Variants in ZNF423 observed in about 807,000 individuals in gnomAD.
The protein encoded by ZNF423 is Ebf-associated zinc finger protein.
In ZNF423, 12 loss-of-function variants were observed where a neutral mutation model predicts 95.8. The ratio of observed to expected loss-of-function variants is 0.13; its 90% CI spans 0.08 to 0.20. The LOEUF is 0.20. Among genes scored for constraint, ZNF423 ranks in the 10% least tolerant of loss-of-function variants. The pLI, the probability that ZNF423 is intolerant of heterozygous loss-of-function variation, is 1.00. For missense variants in ZNF423, 1,316 were observed against 1,737.1 expected, an observed-to-expected ratio of 0.76 and a Z score of 4.31; for synonymous variants, 749 against 711.9, an observed-to-expected ratio of 1.05 and a Z score of -0.83.
chr16:49,564,152 T>A (rs955422191), intron 5 of ZNF423, among the ~76,000 whole-genome samples: 1 of 152,198 alleles, frequency 6.6e-6, no homozygotes, highest in African/African-American at 2.4e-5. Flanking sequence ...AATGGATAGA[T>A]TTGCTATAGA....
At position 49,804,005 on chromosome 16, in the gene ZNF423, G is replaced by T. The variant is rs574345957; in HGVS notation, c.41-14459C>A. Among the ~76,000 whole-genome samples the T allele has an allele frequency of 3.5e-5, 5 of 142,706 alleles. No homozygotes were observed. In the East Asian group the frequency reaches 1.0e-3, roughly 30 times the overall value. The allele number at this position is 142,706 out of a possible 152,430, so 93.6% of individuals were successfully genotyped here. ...GGCTGGAGTGCAGTGGTGAGATCTC[G>T]ACTCACTGCATCCTCCACCTCCCGG... On this transcript the variant is annotated intron_variant, in intron 1 of 7. Coordinates refer to ENST00000563137, the MANE Select transcript of ZNF423 (RefSeq NM_001379286.1).
intron 3 of ZNF423, among the ~76,000 whole-genome samples, chr16:49,721,625 C>T (rs1214273189): frequency 6.6e-6 from 1 of 152,248 alleles, no homozygotes; most frequent in Non-Finnish European, 1.5e-5. Flanking sequence ...GGGCTTTGTA[C>T]AGCAGCAACA....
At chr16:49,657,591 C>T (rs890342927) in intron 3 of ZNF423, among the ~76,000 whole-genome samples, 2 of 152,232 alleles carry the variant, frequency 1.3e-5, no homozygotes, top group African/African-American at 4.8e-5. Flanking sequence ...GGGCCTGGAG[C>T]CAGTGGGCTC....
chr16:49,644,264 A>G (rs1053199483), intron 3 of ZNF423, among the ~76,000 whole-genome samples: 3 of 151,860 alleles, frequency 2.0e-5, no homozygotes, highest in Non-Finnish European at 4.4e-5. Flanking sequence ...CACTAGGGGG[A>G]CTCTCTGCAT....
chr16:49,781,007 C>T (rs1021521041), intron 2 of ZNF423, among the ~76,000 whole-genome samples: 3 of 152,222 alleles, frequency 2.0e-5, no homozygotes, highest in African/African-American at 4.8e-5. Flanking sequence ...GCATGCACCA[C>T]GGGCCACAGC....
At chr16:49,691,078 G>A (rs1044483605) in intron 3 of ZNF423, among the ~76,000 whole-genome samples, 9 of 152,246 alleles carry the variant, frequency 5.9e-5, no homozygotes, top group Non-Finnish European at 8.8e-5. Flanking sequence ...GGGGCTGAGC[G>A]GCCCTTAGTG....
At chr16:49,564,386 T>C (rs1356432423) in intron 5 of ZNF423, among the ~76,000 whole-genome samples, 1 of 152,172 alleles carries the variant, frequency 6.6e-6, no homozygotes, top group Non-Finnish European at 1.5e-5. Flanking sequence ...GTGCTAGATA[T>C]GCTCTCAAGT....
intron 4 of ZNF423, among the ~76,000 whole-genome samples, chr16:49,632,660 CCTT>C (rs1972545959): frequency 6.6e-6 from 1 of 152,154 alleles, no homozygotes; most frequent in African/African-American, 2.4e-5. Flanking sequence ...TATGGCATCA[CCTT>C]TCTGAGCTGG....
At chr16:49,815,914 A>ATATATATATATAT (rs1445194160) in intron 1 of ZNF423, among the ~76,000 whole-genome samples, 2 of 29,804 alleles carry the variant, frequency 6.7e-5, no homozygotes, top group South Asian at 2.2e-3. Context: ...ATATATATAT[A>ATATATATATATAT]TTTTTTTTTT....
chr16:49,721,202 T>G (rs1389573840), intron 3 of ZNF423, among the ~76,000 whole-genome samples: 1 of 152,180 alleles, frequency 6.6e-6, no homozygotes, highest in Non-Finnish European at 1.5e-5. Context: ...GCTTGTCAAT[T>G]TGAGCCAAGT....
At chr16:49,818,522 C>T (rs1431728760) in intron 1 of ZNF423, among the ~76,000 whole-genome samples, 1 of 152,200 alleles carries the variant, frequency 6.6e-6, no homozygotes, top group Non-Finnish European at 1.5e-5. Context: ...CTATAGTGCG[C>T]TGTGACTGCA....
intron 5 of ZNF423, among the ~76,000 whole-genome samples, chr16:49,533,635 C>T (rs905110887): frequency 4.6e-5 from 7 of 152,198 alleles, no homozygotes; most frequent in African/African-American, 9.6e-5. Flanking sequence ...GCTCAGCGGA[C>T]GGCCCCCGAC....
At chr16:49,781,915 G>A (rs1025320682) in intron 2 of ZNF423, among the ~76,000 whole-genome samples, 2 of 152,222 alleles carry the variant, frequency 1.3e-5, no homozygotes, top group African/African-American at 4.8e-5. Context: ...AGGTCCCAGA[G>A]ACTGCAGCCT....
intron 7 of ZNF423, among the ~76,000 whole-genome samples, chr16:49,499,472 C>G (rs77986395): frequency 0.018 from 2,720 of 152,280 alleles, 77 homozygotes; most frequent in African/African-American, 0.062. Flanking sequence ...GCTTCCTTGC[C>G]GAACCAGTAG....
chr16:49,582,229 C>T (rs887477034), intron 5 of ZNF423, among the ~76,000 whole-genome samples: 1 of 152,190 alleles, frequency 6.6e-6, no homozygotes, highest in African/African-American at 2.4e-5. Flanking sequence ...CTTCCTGAAT[C>T]CATTGAGTCT....
At chr16:49,706,044 T>G (rs1414246336) in intron 3 of ZNF423, among the ~76,000 whole-genome samples, 1 of 151,884 alleles carries the variant, frequency 6.6e-6, no homozygotes, top group Non-Finnish European at 1.5e-5. Flanking sequence ...CGGGGTGGTG[T>G]TTAACGCAGA....
At chr16:49,585,951 C>T (rs1232820627) in intron 5 of ZNF423, among the ~76,000 whole-genome samples, 1 of 152,132 alleles carries the variant, frequency 6.6e-6, no homozygotes, top group Non-Finnish European at 1.5e-5. Flanking sequence ...AAGCAGGCCA[C>T]CGTGACGTCT....
At chr16:49,582,360 C>T (rs1234872881) in intron 5 of ZNF423, among the ~76,000 whole-genome samples, 1 of 152,244 alleles carries the variant, frequency 6.6e-6, no homozygotes, top group African/African-American at 2.4e-5. Context: ...TGAAGCCCTC[C>T]CCAGCATCCG....
chr16:49,687,223 C>T (rs1048742829), intron 3 of ZNF423, among the ~76,000 whole-genome samples: 2 of 151,844 alleles, frequency 1.3e-5, no homozygotes, highest in East Asian at 1.9e-4. Flanking sequence ...GTGGGCAGGG[C>T]CTTCCTTGTC....
Sources: gnomAD v4.1 joint callset for allele counts (sites outside exome capture counted in the v4.1 genomes callset) on GRCh38, gnomAD v4.1.1 for gene constraint, MANE v1.5 for transcripts, NCBI Gene and HGNC (gene_info 2026-07-23, HGNC 2026-07-21) for gene names.